Variants in FOXP2 observed in about 807,000 individuals in gnomAD.
The protein encoded by FOXP2 is forkhead box protein P2.
A neutral mutation model predicts 115.8 loss-of-function variants in FOXP2; 12 were observed. The observed-to-expected ratio is 0.10, with a 90% CI of 0.07 to 0.17. FOXP2 has a LOEUF of 0.17. Ranked by LOEUF, FOXP2 falls within the 10% of genes least tolerant of loss-of-function variation. FOXP2 has a pLI of 1.00. For missense variants in FOXP2, 629 were observed against 843.5 expected (o/e 0.75, Z 3.15); for synonymous variants, 328 against 297.7 (o/e 1.10, Z -1.05).
At chr7:114,594,548 G>T (rs900859059) in intron 3 of FOXP2, among the ~76,000 whole-genome samples, 2 of 151,966 alleles carry the variant, frequency 1.3e-5, no homozygotes, top group African/African-American at 4.8e-5. Context: ...ATGTACATAA[G>T]CTAAATAAAA....
intron 1 of FOXP2, among the ~76,000 whole-genome samples, chr7:114,286,443 G>A (rs1459405391): frequency 2.0e-5 from 3 of 151,840 alleles, no homozygotes; most frequent in Non-Finnish European, 4.4e-5. Context: ...GAAAAAGTTG[G>A]AGAAGTTTCC....
chr7:114,404,665 T>C (rs1325615602), intron 2 of FOXP2, among the ~76,000 whole-genome samples: 4 of 152,022 alleles, frequency 2.6e-5, no homozygotes, highest in African/African-American at 9.7e-5. Flanking sequence ...TGAAGTGTAG[T>C]TGCCTGTTTA....
intron 1 of FOXP2, among the ~76,000 whole-genome samples, chr7:114,202,470 A>ATT (rs1563003570): frequency 2.6e-5 from 4 of 152,210 alleles, no homozygotes; most frequent in Non-Finnish European, 4.4e-5. Flanking sequence ...TGCATCTGAA[A>ATT]TTTTGAAACC....
chr7:114,198,577 T>G (rs188657069), intron 1 of FOXP2, among the ~76,000 whole-genome samples: 36 of 152,314 alleles, frequency 2.4e-4, no homozygotes, highest in African/African-American at 8.7e-4. Flanking sequence ...GGGAATCGAA[T>G]GCTGCTGCTG....
chr7:114,581,940 T>C lies in FOXP2; in HGVS notation c.259-46600T>C, dbSNP rs146256778. On this transcript the variant is annotated intron_variant, in intron 3 of 16. Coordinates refer to ENST00000350908, the MANE Select transcript of FOXP2 (RefSeq NM_014491.4). ...ATAGAATATACCATAGAGCAGTGATTTGAATGGTCACCAAGAAAGAAGTAC... is the reference window on the plus strand; with the variant it reads ...ATAGAATATACCATAGAGCAGTGATCTGAATGGTCACCAAGAAAGAAGTAC... 3.9e-5 allele frequency among the ~76,000 whole-genome samples: 6 copies of C among 152,278 alleles called. No individual in the cohort carries two copies. In the East Asian group the frequency reaches 1.2e-3, roughly 29 times the overall value.
Position 114,629,997 on chromosome 7 carries a change from G to A in FOXP2, c.589G>A (p.Ala197Thr). The A allele has an allele frequency of 6.3e-7, 1 of 1,593,230 alleles. No homozygotes were observed. Among genetic ancestry groups the A allele is most frequent in the Middle Eastern group, 1.7e-4 (1 of 6,016 alleles). ...GCAGCAACAGCATCCTGGAAAGCAA[G>A]CGAAAGAGGTAGGATCCGGTTATCT... ...QQQQQHPGKQAKEQQQQQQQQ... is the reference protein window; with the variant it reads ...QQQQQHPGKQTKEQQQQQQQQ... The change falls in exon 5 of 17, where the codon GCG (alanine) becomes ACG (threonine). Residue 197 changes from alanine (A) to threonine (T), a missense_variant. Physicochemically the swap from Ala to Thr is moderately conservative, Grantham distance 58 (BLOSUM62 0). This residue lies in a region of FOXP2 where 138 missense variants were observed against 205.1 expected (regional missense o/e 0.67). Transcript: ENST00000350908.
Position 114,630,022 on chromosome 7 carries a change from T to A in FOXP2, c.597+17T>A, listed in dbSNP as rs10227893. 78 of 1,604,042 alleles carry A rather than the reference T, an allele frequency of 4.9e-5. No homozygotes were observed. In the African/African-American group the frequency reaches 1.0e-3, roughly 21 times the overall value. On this transcript the variant is annotated intron_variant, in intron 5 of 16. Coordinates refer to ENST00000350908, the MANE Select transcript of FOXP2 (RefSeq NM_014491.4). ...GCGAAAGAGGTAGGATCCGGTTATC[T>A]CATTGATACATAACAGTTTGCAGTT... is the stretch of plus-strand genomic sequence containing the variant.
chr7:114,291,295 A>G (rs1471185786), intron 2 of FOXP2, among the ~76,000 whole-genome samples: 1 of 152,092 alleles, frequency 6.6e-6, no homozygotes, highest in African/African-American at 2.4e-5. Context: ...AAGGGCACTA[A>G]TCACATTCAT....
At chr7:114,167,014 G>A (rs1793001114) in intron 1 of FOXP2, among the ~76,000 whole-genome samples, 1 of 152,198 alleles carries the variant, frequency 6.6e-6, no homozygotes, top group Admixed American at 6.5e-5. Context: ...CAGTTTGGTA[G>A]TTTCTTACAA....
chr7:114,578,273 A>T (rs2129299863), intron 3 of FOXP2, among the ~76,000 whole-genome samples: 1 of 152,084 alleles, frequency 6.6e-6, no homozygotes, highest in African/African-American at 2.4e-5. Context: ...CTGAGTAGAT[A>T]CTGCTATTTT....
At chr7:114,321,301 C>G (rs1408493320) in intron 2 of FOXP2, among the ~76,000 whole-genome samples, 1 of 151,824 alleles carries the variant, frequency 6.6e-6, no homozygotes, top group Non-Finnish European at 1.5e-5. Context: ...TGGGTTCACG[C>G]CATTCTCCTG....
At chr7:114,151,369 G>T (rs1792523523) in intron 1 of FOXP2, among the ~76,000 whole-genome samples, 1 of 151,980 alleles carries the variant, frequency 6.6e-6, no homozygotes, top group Non-Finnish European at 1.5e-5. Flanking sequence ...TTTTCATAAT[G>T]AATTATGATT....
intron 2 of FOXP2, among the ~76,000 whole-genome samples, chr7:114,337,810 T>G (rs1797896133): frequency 6.6e-6 from 1 of 151,244 alleles, no homozygotes; most frequent in Non-Finnish European, 1.5e-5. Context: ...CAATCTATTC[T>G]GCCAGCATGA....
intron 2 of FOXP2, among the ~76,000 whole-genome samples, chr7:114,290,208 A>T (rs1796559633): frequency 6.6e-6 from 1 of 151,924 alleles, no homozygotes; most frequent in Admixed American, 6.6e-5. Context: ...CCTATTTTCA[A>T]ACAATTTTTT....
Position 114,111,342 on chromosome 7 carries a change from G to A in FOXP2, c.-247+23504G>A, listed in dbSNP as rs28552960. On this transcript the variant is annotated intron_variant, in intron 1 of 19. Coordinates refer to the FOXP2 transcript ENST00000635638. ...TCCTTCCTTAAAGATTAAAGATCAC[G>A]TGGAGAGACTTACCACAAGGGCCCA... 4.1e-3 allele frequency among the ~76,000 whole-genome samples: 619 copies of A among 152,202 alleles called. 4 individuals are homozygous for A. Among genetic ancestry groups the A allele is most frequent in the African/African-American group, 0.014 (595 of 41,516 alleles).
At chr7:114,154,934 G>T (rs2129149391) in intron 1 of FOXP2, among the ~76,000 whole-genome samples, 1 of 152,170 alleles carries the variant, frequency 6.6e-6, no homozygotes, top group South Asian at 2.1e-4. Context: ...CCAGTTAGAA[G>T]ATCCTTATCA....
At chr7:114,562,532 T>C (rs993075318) in intron 3 of FOXP2, among the ~76,000 whole-genome samples, 9 of 152,310 alleles carry the variant, frequency 5.9e-5, no homozygotes, top group Admixed American at 3.9e-4. Context: ...TCTCTGATTA[T>C]ATCCCTTTGT....
chr7:114,641,435 A>G (rs1463619492), intron 6 of FOXP2, among the ~76,000 whole-genome samples: 1 of 152,210 alleles, frequency 6.6e-6, no homozygotes, highest in African/African-American at 2.4e-5. Flanking sequence ...GATTTACTCT[A>G]TCAGTCATAA....
At chr7:114,121,424 A>G (rs539036847) in intron 1 of FOXP2, among the ~76,000 whole-genome samples, 72 of 152,248 alleles carry the variant, frequency 4.7e-4, no homozygotes, top group African/African-American at 1.5e-3. Context: ...AAAGACAGAA[A>G]GAAAGGGAAA....
Sources: gnomAD v4.1 joint callset for allele counts (sites outside exome capture counted in the v4.1 genomes callset) on GRCh38, gnomAD v4.1.1 for gene constraint, gnomAD v4.1.1 regional missense constraint, MANE v1.5 for transcripts, NCBI Gene and HGNC (gene_info 2026-07-23, HGNC 2026-07-21) for gene names.